WNT5B: variants seen among roughly 807,000 people sequenced by gnomAD.
WNT5B encodes Wnt family member 5B.
Under a neutral mutation model 36.5 loss-of-function variants are expected in WNT5B, and 18 were observed. That is an observed-to-expected ratio of 0.49 (90% CI 0.34 to 0.73). The LOEUF is 0.73. Ranked by LOEUF, WNT5B falls within the 30% of genes least tolerant of loss-of-function variation. The pLI is 0.01. For synonymous variants in WNT5B, 213 were observed against 212.3 expected (o/e 1.00, Z -0.03); for missense variants, 424 against 508.4 (o/e 0.83, Z 1.60).
chr12:1,626,759 G>T (rs576278118), upstream of WNT5B, among the ~76,000 whole-genome samples: 78 of 151,248 alleles, frequency 5.2e-4, no homozygotes, highest in Non-Finnish European at 8.4e-4. Flanking sequence ...TAGAGACGGG[G>T]TTTCACCGTG....
upstream of WNT5B, among the ~76,000 whole-genome samples, chr12:1,626,374 C>T (rs1345107961): frequency 6.6e-6 from 1 of 151,924 alleles, no homozygotes; most frequent in Admixed American, 6.6e-5. Context: ...AGCAATTCTC[C>T]TGCCTCAGCC....
intron 1 of WNT5B, among the ~76,000 whole-genome samples, chr12:1,620,543 T>A (rs1252370481): frequency 6.6e-6 from 1 of 151,060 alleles, no homozygotes; most frequent in Non-Finnish European, 1.5e-5. Context: ...CTTTTGTTGT[T>A]GTTTTTTTTT....
chr12:1,645,841 G>A lies in WNT5B; in HGVS notation c.669G>A (p.Ser223=), dbSNP rs144114606. The change falls in exon 5 of 5, where the codon TCG becomes TCA. Residue 223 remains serine (S), a synonymous_variant. Transcript: ENST00000397196. The stretch of plus-strand genomic sequence containing the variant: ...TAGCCTGCAAATGCCACGGCGTCTC[G>A]GGGTCCTGCAGCCTCAAGACCTGCT... ...ADVACKCHGV[S]GSCSLKTCWL... The A allele has an allele frequency of 3.1e-6, 5 of 1,606,508 alleles. No individual in the cohort carries two copies. The highest frequency in any genetic ancestry group is 1.7e-5 in the Admixed American group (1 of 59,620).
chr12:1,633,025 T>A lies in WNT5B; in HGVS notation c.328+120T>A. ...AAAGGCAGCCTAAGTGGGCTCTCTC[T>A]AGGCTTGGCAGCAGTGTGCACCACG... On this transcript the variant is annotated intron_variant, in intron 3 of 4. Transcript: ENST00000397196. This position sits in a 1 kb window ranked among gnomAD's most constrained non-coding sequence, Gnocchi z 4.8. 1 of 1,428,356 alleles carries A rather than the reference T, an allele frequency of 7.0e-7. No homozygotes were observed. The highest frequency in any genetic ancestry group is 9.3e-7 in the Non-Finnish European group (1 of 1,072,914). 88.5% of individuals were successfully genotyped at this position (1,428,356 alleles called of 1,614,324 possible). A position where few individuals can be genotyped will look rare whatever the true frequency, so the allele number is the denominator to read the frequency against.
In WNT5B at chr12:1,646,018, C is replaced by A; in HGVS notation, c.846C>A (p.Asp282Glu). ...CCCCGGAGGACCTGGTCTATGTGGACCCCAGCCCCGACTACTGCCTGCGCA... is the reference window on the plus strand; with the variant it reads ...CCCCGGAGGACCTGGTCTATGTGGAACCCAGCCCCGACTACTGCCTGCGCA... ...QPTPEDLVYV[D>E]PSPDYCLRNE... is the part of the protein sequence containing the mutation. The change falls in exon 5 of 5, where the codon GAC (aspartate) becomes GAA (glutamate). Residue 282 changes from aspartate (D) to glutamate (E), a missense_variant. Asp to Glu is a conservative substitution (Grantham distance 45). Transcript: ENST00000397196. The A allele has an allele frequency of 6.2e-7, 1 of 1,612,640 alleles. No individual in the cohort carries two copies. The highest frequency in any genetic ancestry group is 8.5e-7 in the Non-Finnish European group (1 of 1,179,966).
chr12:1,634,680 C>G lies in WNT5B; in HGVS notation c.328+1775C>G, dbSNP rs141996233. ...AGGAGGCTGTCCTCCCTTCCTCCCC[C>G]CTGAGCCCAGAGTAGCTCCTGGTGA... On this transcript the variant is annotated intron_variant, in intron 3 of 4. Transcript: ENST00000397196. Among the ~76,000 whole-genome samples the G allele has an allele frequency of 2.2e-3, 329 of 152,306 alleles. 1 individual carries two copies. The highest frequency in any genetic ancestry group is 7.6e-3 in the African/African-American group (316 of 41,578).
Position 1,639,730 on chromosome 12 carries a change from G to A in WNT5B, c.375G>A (p.Val125=). ...CCCACGCGGTGAGCGCCGCGGGCGT[G>A]GTCAACGCCATCAGCCGGGCCTGCC... is the stretch of plus-strand genomic sequence containing the variant. ...AFTHAVSAAG[V]VNAISRACRE... The change falls in exon 4 of 5, where the codon GTG becomes GTA. Residue 125 remains valine (V), a synonymous_variant. Transcript: ENST00000397196. 3.8e-6 allele frequency: 6 copies of A among 1,598,658 alleles called. No individual in the cohort carries two copies. The highest frequency in any genetic ancestry group is 4.3e-6 in the Non-Finnish European group (5 of 1,173,600).
upstream of WNT5B, among the ~76,000 whole-genome samples, chr12:1,626,997 C>A (rs572316376): frequency 7.4e-4 from 113 of 152,302 alleles, no homozygotes; most frequent in African/African-American, 2.5e-3. Context: ...ATCCTATCCA[C>A]TGGGGAGAAA....
chr12:1,636,702 AGTTTT>A lies in WNT5B; in HGVS notation c.329-2955_329-2951del, dbSNP rs59138790. Among the ~76,000 whole-genome samples the A allele has an allele frequency of 8.6e-3, 1,287 of 149,212 alleles. 12 individuals are homozygous for A. Among genetic ancestry groups the A allele is most frequent in the East Asian group, 0.047 (237 of 5,002 alleles). On this transcript the variant is annotated intron_variant, in intron 3 of 4. Coordinates refer to ENST00000397196, the MANE Select transcript of WNT5B (RefSeq NM_032642.3). ...ACTACAGGCACATGCTACCATGCCC[AGTTTT>A]GTTTTGTTTTGTTTTGTTTTGTTTT...
rs572051701 is a variant in WNT5B, at chr12:1,631,317, T to C, written c.-38T>C. ...CTCCAGGGAACCCTACTCTGGAAAC[T>C]GTCAGTCCCAGGGCACTGGGGAGGG... On this transcript the variant is annotated 5_prime_UTR_variant, in exon 2 of 5. Coordinates refer to ENST00000397196, the MANE Select transcript of WNT5B (RefSeq NM_032642.3). 9 of 1,611,782 alleles carry C rather than the reference T, an allele frequency of 5.6e-6. No homozygotes were observed. The highest frequency in any genetic ancestry group is 5.3e-5 in the African/African-American group (4 of 75,006).
In WNT5B at chr12:1,630,678, A is replaced by G. The variant is rs975787339; in HGVS notation, c.-57-620A>G. The G allele has an allele frequency of 6.6e-6, 1 of 152,124 alleles. No individual in the cohort carries two copies. Among genetic ancestry groups the G allele is most frequent in the African/African-American group, 2.4e-5 (1 of 41,402 alleles). The allele number at this position is 152,124 out of a possible 1,614,324, so 9.4% of individuals were successfully genotyped here. On this transcript the variant is annotated intron_variant, in intron 1 of 4. Transcript: ENST00000397196. The surrounding 1 kb of genome is among the most constrained non-coding windows in gnomAD (Gnocchi z 5.3). Reference sequence around the variant, plus strand: ...GGGCGGTTCGCGGCGTGGCTTGTACATTTCTCAGAGAAGCTGCCTTGAGAA... The same window carrying G: ...GGGCGGTTCGCGGCGTGGCTTGTACGTTTCTCAGAGAAGCTGCCTTGAGAA...
rs549537556 is a variant in WNT5B, at chr12:1,639,200, C to G, written c.329-484C>G. ...TCGCCCAGGCTGGAGTGCAGTGGCG[C>G]GGTCTCAGCTCCCTGCAAGCTCCGC... On this transcript the variant is annotated intron_variant, in intron 3 of 4. Transcript: ENST00000397196. Among the ~76,000 whole-genome samples, 184 of 150,486 alleles carry G rather than the reference C, an allele frequency of 1.2e-3. 5 individuals carry two copies. In the East Asian group the frequency reaches 0.032, roughly 27 times the overall value.
At chr12:1,628,497 AC>A (rs926846618), upstream of WNT5B, among the ~76,000 whole-genome samples, 1 of 151,976 alleles carries the variant, frequency 6.6e-6, no homozygotes, top group Non-Finnish European at 1.5e-5. Flanking sequence ...ATCTTTTTAG[AC>A]CCTGGGGAAA....
At chr12:1,619,005 G>C (rs2094530323) in intron 1 of WNT5B, among the ~76,000 whole-genome samples, 1 of 152,086 alleles carries the variant, frequency 6.6e-6, no homozygotes, top group South Asian at 2.1e-4. Flanking sequence ...CCCAAATTGT[G>C]TACCTTATCA....
chr12:1,617,724 A>G (rs1372546124), intron 1 of WNT5B, among the ~76,000 whole-genome samples: 1 of 152,208 alleles, frequency 6.6e-6, no homozygotes, highest in Non-Finnish European at 1.5e-5. Flanking sequence ...TTCCAAAATG[A>G]ATGAGTGAAG....
chr12:1,638,640 A>T (rs1290142609), intron 3 of WNT5B, among the ~76,000 whole-genome samples: 1 of 152,222 alleles, frequency 6.6e-6, no homozygotes, highest in East Asian at 1.9e-4. Context: ...CACAGCAGTA[A>T]AGGGGAACAT....
intron 3 of WNT5B, among the ~76,000 whole-genome samples, chr12:1,639,200 C>T (rs549537556): frequency 2.0e-5 from 3 of 150,486 alleles, no homozygotes; most frequent in East Asian, 2.0e-4. Context: ...TGCAGTGGCG[C>T]GGTCTCAGCT....
chr12:1,639,420 AGCCACCGCGCCG>A (rs946242836), intron 3 of WNT5B, among the ~76,000 whole-genome samples: 23 of 151,232 alleles, frequency 1.5e-4, no homozygotes, highest in African/African-American at 5.6e-4. Context: ...TTACGGGCTG[AGCCACCGCGCCG>A]GGCCAGGGAC....
intron 1 of WNT5B, among the ~76,000 whole-genome samples, chr12:1,620,806 C>A (rs112473939): frequency 6.8e-6 from 1 of 147,292 alleles, no homozygotes; most frequent in Non-Finnish European, 1.5e-5. Flanking sequence ...CGGGTTCAAG[C>A]GATTCTCCTG....
Sources: allele counts gnomAD v4.1 joint callset (sites outside exome capture counted in the v4.1 genomes callset), GRCh38; gene constraint gnomAD v4.1.1; non-coding constraint Gnocchi (gnomAD v3.1); transcripts MANE v1.5; gene names NCBI Gene and HGNC (gene_info 2026-07-23, HGNC 2026-07-21).